The following WIPI1 variants were observed in gnomAD, a reference collection of about 807,000 sequenced individuals.
The protein encoded by WIPI1 is WD repeat domain phosphoinositide-interacting protein 1.
Under a neutral mutation model 55.3 loss-of-function variants are expected in WIPI1, and 45 were observed. The observed-to-expected ratio is 0.81, with a 90% CI of 0.64 to 1.04. WIPI1 has a LOEUF of 1.04. Among genes scored for constraint, WIPI1 ranks in the 50% least tolerant of loss-of-function variants. WIPI1 has a pLI of 0.00. For missense variants in WIPI1, 445 were observed against 559.0 expected (o/e 0.80, Z 2.06); for synonymous variants, 195 against 217.6 (o/e 0.90, Z 0.92).
At chr17:68,426,284 G>C in intron 11 of WIPI1, 109 bp from the exon 12 acceptor site, 1 of 845,386 alleles carries the variant, frequency 1.2e-6, no homozygotes, top group Non-Finnish European at 1.9e-6. Flanking sequence ...AAGCAAAGGG[G>C]CTGTCTGTCT....
chr17:68,444,165 A>C (rs965703282), intron 4 of WIPI1, among the ~76,000 whole-genome samples: 4 of 152,218 alleles, frequency 2.6e-5, no homozygotes, highest in Non-Finnish European at 5.9e-5. Context: ...CACAAAAAAC[A>C]ATTAGGGGTA....
chr17:68,434,702 G>C (rs2083697943), intron 6 of WIPI1, 76 bp from the exon 7 acceptor site: 1 of 1,471,324 alleles, frequency 6.8e-7, no homozygotes, highest in Non-Finnish European at 9.3e-7. Flanking sequence ...AGAGGAGTTT[G>C]TTTTATTGGT....
rs773330164 is a variant in WIPI1 at position 68,430,179 on chromosome 17, G to T, written c.801-19C>A. 5.6e-6 allele frequency: 9 copies of T among 1,602,906 alleles called. No homozygotes were observed. The highest frequency in any genetic ancestry group is 7.7e-6 in the Non-Finnish European group (9 of 1,174,934). On this transcript the variant is annotated intron_variant, in intron 8 of 12. Coordinates refer to ENST00000262139, the MANE Select transcript of WIPI1 (RefSeq NM_017983.7). ...TGGTCGACTAGGGAGTAATGCACAG[G>T]CAACGATGGGACTGGGCTGCAGGCC... is the stretch of plus-strand genomic sequence containing the variant.
intron 4 of WIPI1, among the ~76,000 whole-genome samples, chr17:68,441,681 C>G (rs538147277): frequency 6.6e-6 from 1 of 152,306 alleles, no homozygotes; most frequent in East Asian, 1.9e-4. Flanking sequence ...TGACTGCCCG[C>G]ATGGACAGGG....
chr17:68,426,532 A>C (rs1600259338), intron 11 of WIPI1, among the ~76,000 whole-genome samples: 1 of 151,826 alleles, frequency 6.6e-6, no homozygotes, highest in Non-Finnish European at 1.5e-5. Context: ...TGGAAATTTT[A>C]GTTTAGTTTT....
chr17:68,440,921 T>C (rs539165077), intron 4 of WIPI1: 2 of 152,336 alleles, frequency 1.3e-5, no homozygotes, highest in African/African-American at 4.8e-5. Flanking sequence ...GACATCTTCT[T>C]TGTACAGCAA....
At position 68,426,242 on chromosome 17, in the gene WIPI1, T is replaced by TGGGGGGG. The variant is rs754701731; in HGVS notation, c.1193-68_1193-67insCCCCCCC. ...TGCTTTTATGCCATGACCTGGCGGGTGGGGAGCGGGGGCTCAAATAAAGGG... is the reference window on the plus strand; with the variant it reads ...TGCTTTTATGCCATGACCTGGCGGGTGGGGGGGGGGGAGCGGGGGCTCAAATAAAGGG... On this transcript the variant is annotated intron_variant, in intron 11 of 12. Coordinates refer to ENST00000262139, the MANE Select transcript of WIPI1 (RefSeq NM_017983.7). 2.2e-4 allele frequency: 147 copies of TGGGGGGG among 682,652 alleles called. 21 individuals carry two copies. Among genetic ancestry groups the TGGGGGGG allele is most frequent in the Middle Eastern group, 4.9e-4 (1 of 2,026 alleles). 42.3% of individuals were successfully genotyped at this position (682,652 alleles called of 1,614,324 possible). A position where few individuals can be genotyped will look rare whatever the true frequency, so the allele number is the denominator to read the frequency against.
At chr17:68,427,306 TA>T (rs1162535611) in intron 10 of WIPI1, 53 bp from the exon 11 acceptor site, 1 of 1,334,816 alleles carries the variant, frequency 7.5e-7, no homozygotes, top group Non-Finnish European at 1.1e-6. Context: ...ATCATATATC[TA>T]GGACACCTTC....
intron 4 of WIPI1, among the ~76,000 whole-genome samples, chr17:68,437,407 TAGTC>T (rs1390971135): frequency 6.6e-6 from 1 of 151,768 alleles, no homozygotes; most frequent in Non-Finnish European, 1.5e-5. Flanking sequence ...ATACAAAAAT[TAGTC>T]AGGTGTGGTT....
intron 3 of WIPI1, chr17:68,448,588 G>C (rs1415540639): frequency 1.3e-5 from 2 of 152,124 alleles, no homozygotes; most frequent in African/African-American, 2.4e-5. Flanking sequence ...GGCCTTCCTT[G>C]TCCCATTTGC....
chr17:68,456,566 A>G (rs2084649340), intron 1 of WIPI1, among the ~76,000 whole-genome samples: 1 of 152,232 alleles, frequency 6.6e-6, no homozygotes, highest in African/African-American at 2.4e-5. Flanking sequence ...ACTTCAGCCC[A>G]GCTCCCTCTC....
intron 8 of WIPI1, 123 bp from the exon 9 acceptor site, chr17:68,430,283 T>G: frequency 1.0e-6 from 1 of 960,670 alleles, no homozygotes; most frequent in Non-Finnish European, 1.5e-6. Flanking sequence ...TGCCTTAGCA[T>G]AATGTTCTGC....
intron 3 of WIPI1, among the ~76,000 whole-genome samples, chr17:68,446,386 G>A (rs994477732): frequency 3.9e-5 from 6 of 152,114 alleles, no homozygotes; most frequent in African/African-American, 9.6e-5. Flanking sequence ...GTTTCACTAT[G>A]TTGTCCAGGT....
At chr17:68,433,410 G>A (rs1348969247) in intron 8 of WIPI1, 58 bp downstream of exon 8, 3 of 1,440,652 alleles carry the variant, frequency 2.1e-6, no homozygotes, top group African/African-American at 2.8e-5. Context: ...GCCAGTAGAA[G>A]AGCCTAGGCC....
At chr17:68,441,414 C>T (rs1426706737) in intron 4 of WIPI1, among the ~76,000 whole-genome samples, 1 of 152,184 alleles carries the variant, frequency 6.6e-6, no homozygotes, top group Non-Finnish European at 1.5e-5. Context: ...GACAATTAGA[C>T]GAGTGATTGT....
Position 68,457,495 on chromosome 17 carries a change from A to G in WIPI1, c.-74T>C, listed in dbSNP as rs376803261. On this transcript the variant is annotated 5_prime_UTR_variant, in exon 1 of 13. Transcript: ENST00000262139. Reference sequence around the variant, plus strand: ...TCAGCAGCCCGCCCGCGCCGGCTCCACGGGCCGGGTCGCCGGTCCTGCCCC... The same window carrying G: ...TCAGCAGCCCGCCCGCGCCGGCTCCGCGGGCCGGGTCGCCGGTCCTGCCCC... The G allele has an allele frequency of 1.6e-6, 2 of 1,268,160 alleles. No homozygotes were observed. Among genetic ancestry groups the G allele is most frequent in the African/African-American group, 1.7e-5 (1 of 59,126 alleles). The allele number at this position is 1,268,160 out of a possible 1,614,324, so 78.6% of individuals were successfully genotyped here.
chr17:68,441,751 G>A (rs1422640892), intron 4 of WIPI1, among the ~76,000 whole-genome samples: 1 of 152,194 alleles, frequency 6.6e-6, no homozygotes, highest in Non-Finnish European at 1.5e-5. Flanking sequence ...TGGCAACTCT[G>A]GGGGCTAAAA....
chr17:68,426,250 G>GGGGGGGGGGGGT, intron 11 of WIPI1, 75 bp from the exon 12 acceptor site: 5 of 828,060 alleles, frequency 6.0e-6, no homozygotes, highest in African/African-American at 1.7e-5. Flanking sequence ...GGTGGGGAGC[G>GGGGGGGGGGGGT]GGGGCTCAAA....
At chr17:68,444,224 C>T (rs114366215) in intron 4 of WIPI1, among the ~76,000 whole-genome samples, 1,642 of 152,280 alleles carry the variant, frequency 0.011, 27 homozygotes, top group African/African-American at 0.037. Context: ...GTCTACCTTA[C>T]GTGCCTTGAC....
Sources: gnomAD v4.1 joint callset for allele counts (sites outside exome capture counted in the v4.1 genomes callset) on GRCh38, gnomAD v4.1.1 for gene constraint, MANE v1.5 for transcripts, NCBI Gene and HGNC (gene_info 2026-07-23, HGNC 2026-07-21) for gene names.